Variants in ASIC5 observed in about 807,000 individuals in gnomAD.
ASIC5 encodes the protein acid sensing ion channel subunit family member 5.
In ASIC5, 52 loss-of-function variants were observed where a neutral mutation model predicts 51.2. That is an observed-to-expected ratio of 1.02 (90% CI 0.81 to 1.28). The LOEUF is 1.28. ASIC5 is among the 50% of genes most tolerant of loss of function. ASIC5 has a pLI of 0.00. For synonymous variants in ASIC5, 231 were observed against 200.7 expected, an observed-to-expected ratio of 1.15 and a Z score of -1.28; for missense variants, 635 against 595.0, an observed-to-expected ratio of 1.07 and a Z score of -0.70.
At chr4:155,837,456 C>T (rs1167197854) in intron 7 of ASIC5, among the ~76,000 whole-genome samples, 4 of 152,132 alleles carry the variant, frequency 2.6e-5, no homozygotes, top group African/African-American at 9.7e-5. Context: ...AAAAAAGTCC[C>T]TGTAGCAGGT....
chr4:155,838,840 A>G lies in ASIC5; in HGVS notation c.1039T>C (p.Tyr347His), dbSNP rs905779884. The G allele has an allele frequency of 6.3e-7, 1 of 1,586,776 alleles. No individual in the cohort carries two copies. The highest frequency in any genetic ancestry group is 8.6e-7 in the Non-Finnish European group (1 of 1,156,792). ...AGTACAGGAGAAACACAGCTGAAGT[A>G]CTTTTGTAGGTCACATTCTATCCCA... ...GYGIECDLQK[Y>H]FSCVSPVLDH... The change falls in exon 7 of 10, where the codon TAC (tyrosine) becomes CAC (histidine). Residue 347 changes from tyrosine to histidine, a missense_variant. By Grantham distance (83) the Tyr-to-His change is moderately conservative. Transcript: ENST00000537611.
chr4:155,843,756 C>A lies in ASIC5; in HGVS notation c.786G>T (p.Lys262Asn), dbSNP rs751662582. Residue 262 changes from lysine to asparagine, a missense_variant, in exon 5 of 10, where the codon AAG (lysine) becomes AAT (asparagine). Coordinates refer to ENST00000537611, the MANE Select transcript of ASIC5 (RefSeq NM_017419.3). ...GIIFVIHSPK[K>N]VPQFDGLGLL... ...AGCCTAACCCATCAAACTGTGGCAC[C>A]TTCTTTGGTGAATGGATAACAAAGA... The A allele has an allele frequency of 1.9e-6, 3 of 1,613,740 alleles. No individual in the cohort carries two copies. The highest frequency in any genetic ancestry group is 4.5e-5 in the East Asian group (2 of 44,840).
At chr4:155,861,677 G>A (rs988149787) in intron 2 of ASIC5, among the ~76,000 whole-genome samples, 3 of 151,924 alleles carry the variant, frequency 2.0e-5, no homozygotes, top group African/African-American at 7.2e-5. Context: ...AATTTCATTA[G>A]TAATATAGTT....
intron 4 of ASIC5, among the ~76,000 whole-genome samples, chr4:155,850,527 C>T (rs577151932): frequency 6.6e-5 from 10 of 152,064 alleles, no homozygotes; most frequent in Non-Finnish European, 8.8e-5. Flanking sequence ...CTTGTCTCAC[C>T]GTTTTTCTCA....
At chr4:155,850,683 T>G (rs1460923559) in intron 4 of ASIC5, among the ~76,000 whole-genome samples, 1 of 152,054 alleles carries the variant, frequency 6.6e-6, no homozygotes, top group Non-Finnish European at 1.5e-5. Context: ...GTTGCTTCCC[T>G]CTTGGCTGTT....
chr4:155,832,022 T>C (rs4691944), intron 8 of ASIC5, 107 bp from the exon 9 acceptor site: 51,351 of 572,120 alleles, frequency 0.09, 2,637 homozygotes, highest in Admixed American at 0.14. Flanking sequence ...TATTTAATGT[T>C]AAACTGACAC....
intron 3 of ASIC5, 119 bp from the exon 4 acceptor site, chr4:155,852,435 A>ACTATTCTCTCT: frequency 4.8e-6 from 4 of 832,874 alleles, no homozygotes; most frequent in Non-Finnish European, 7.3e-6. Context: ...GAAATATCAG[A>ACTATTCTCTCT]GAGAATAGTC....
chr4:155,838,964 C>T (rs1579285466), intron 6 of ASIC5, 95 bp from the exon 7 acceptor site: 2 of 653,778 alleles, frequency 3.1e-6, no homozygotes, highest in Non-Finnish European at 5.4e-6. Flanking sequence ...ATCTATCCAT[C>T]CATTCATCCA....
At position 155,863,687 on chromosome 4, in the gene ASIC5, C is replaced by T; in HGVS notation, c.108G>A (p.Lys36=). The T allele has an allele frequency of 2.5e-6, 4 of 1,613,940 alleles. No homozygotes were observed. Among genetic ancestry groups the T allele is most frequent in the Non-Finnish European group, 3.4e-6 (4 of 1,179,900 alleles). The change falls in exon 2 of 10, where the codon AAG becomes AAA. Residue 36 remains lysine, a synonymous_variant. Transcript: ENST00000537611. The part of the protein sequence containing the change: ...KPLPSPTERK[K]FDHDFAISTS... ...TGGAGATGGCAAAGTCATGGTCAAA[C>T]TTCTTTCGCTCAGTGGGAGATGGCA...
intron 4 of ASIC5, among the ~76,000 whole-genome samples, chr4:155,847,762 A>G (rs1286851763): frequency 6.6e-6 from 1 of 151,902 alleles, no homozygotes; most frequent in Non-Finnish European, 1.5e-5. Context: ...CATTTTTGAG[A>G]TGTGGGGCCA....
At chr4:155,846,005 T>C (rs1362635558) in intron 4 of ASIC5, among the ~76,000 whole-genome samples, 2 of 152,106 alleles carry the variant, frequency 1.3e-5, no homozygotes, top group Non-Finnish European at 2.9e-5. Flanking sequence ...TATGTATTTA[T>C]ATGTCATATA....
intron 7 of ASIC5, among the ~76,000 whole-genome samples, chr4:155,838,313 A>C (rs35378311): frequency 1.3e-5 from 2 of 150,788 alleles, no homozygotes; most frequent in Non-Finnish European, 3.0e-5. Flanking sequence ...GAAAGCAAAA[A>C]AAAGAGGGGG....
At chr4:155,852,471 GT>G (rs35738215) in intron 3 of ASIC5, among the ~76,000 whole-genome samples, 155 bp from the exon 4 acceptor site, 10,676 of 147,742 alleles carry the variant, frequency 0.072, 969 homozygotes, top group African/African-American at 0.22. Flanking sequence ...TTCAGTGATA[GT>G]TTTTTTTTTT....
At chr4:155,845,406 G>GT (rs34139764) in intron 4 of ASIC5, among the ~76,000 whole-genome samples, 105,695 of 145,192 alleles carry the variant, frequency 0.73, 40,638 homozygotes, top group East Asian at 0.86. Context: ...TTGAGCAAAA[G>GT]TTTTTTTTTT....
chr4:155,843,891 T>A, intron 4 of ASIC5, 61 bp from the exon 5 acceptor site: 2 of 1,523,336 alleles, frequency 1.3e-6, no homozygotes, highest in Non-Finnish European at 1.8e-6. Context: ...CTAAACAAGT[T>A]TAGGATTTAG....
intron 2 of ASIC5, among the ~76,000 whole-genome samples, chr4:155,859,155 C>T (rs1210326222): frequency 6.6e-6 from 1 of 151,894 alleles, no homozygotes; most frequent in African/African-American, 2.4e-5. Flanking sequence ...TTAACTTTTC[C>T]CTTTGGCATC....
intron 8 of ASIC5, among the ~76,000 whole-genome samples, chr4:155,836,428 C>G (rs1411580514): frequency 2.6e-5 from 4 of 152,128 alleles, no homozygotes; most frequent in African/African-American, 9.6e-5. Flanking sequence ...ATTATTTTCC[C>G]CAGTTTGGGC....
Position 155,829,742 on chromosome 4 carries a change from C to T in ASIC5, c.*114G>A, listed in dbSNP as rs1740831188. On this transcript the variant is annotated 3_prime_UTR_variant, in exon 10 of 10. Coordinates refer to ENST00000537611, the MANE Select transcript of ASIC5 (RefSeq NM_017419.3). ...GAAATATATATGAAGAGATACATAT[C>T]TTTAATGGCTTTTATCGAACTCTCA... is the stretch of plus-strand genomic sequence containing the variant. 1.7e-6 allele frequency: 1 copy of T among 596,870 alleles called. No individual in the cohort carries two copies. The highest frequency in any genetic ancestry group is 2.0e-5 in the African/African-American group (1 of 51,262). 37.0% of individuals were successfully genotyped at this position (596,870 alleles called of 1,614,324 possible).
chr4:155,836,371 T>C (rs1463717433), intron 8 of ASIC5, among the ~76,000 whole-genome samples: 1 of 152,200 alleles, frequency 6.6e-6, no homozygotes, highest in Admixed American at 6.5e-5. Flanking sequence ...AATGTACAGG[T>C]AGGAAATTTT....
Sources: gnomAD v4.1 joint callset for allele counts (sites outside exome capture counted in the v4.1 genomes callset) on GRCh38, gnomAD v4.1.1 for gene constraint, MANE v1.5 for transcripts, NCBI Gene and HGNC (gene_info 2026-07-23, HGNC 2026-07-21) for gene names.